The following ENTREP2 variants were observed in gnomAD, a reference collection of about 807,000 sequenced individuals.
The protein encoded by ENTREP2 is endosomal transmembrane epsin interactor 2.
chr15:29,357,320 G>C, the ENTREP2 span, among the ~76,000 whole-genome samples: 1 of 152,056 alleles, frequency 6.6e-6, no homozygotes, highest in Non-Finnish European at 1.5e-5. Context: ...TGCACAGAAA[G>C]TATCCCCAGT....
chr15:29,597,039 T>C, the ENTREP2 span, among the ~76,000 whole-genome samples: 1 of 151,360 alleles, frequency 6.6e-6, no homozygotes, highest in Non-Finnish European at 1.5e-5. Context: ...AAATCCCCCA[T>C]AGGGTTTTGC....
chr15:29,162,125 T>C, the ENTREP2 span, among the ~76,000 whole-genome samples: 1 of 152,014 alleles, frequency 6.6e-6, no homozygotes, highest in African/African-American at 2.4e-5. Flanking sequence ...TCGAGCGAAA[T>C]ACAGAAGTAG....
chr15:29,443,972 T>C, the ENTREP2 span, among the ~76,000 whole-genome samples: 7 of 151,936 alleles, frequency 4.6e-5, no homozygotes, highest in South Asian at 2.1e-4. Flanking sequence ...GGCGTGATGG[T>C]GGGCGCCTGT....
the ENTREP2 span, chr15:29,268,801 G>A: frequency 6.2e-7 from 1 of 1,606,102 alleles, no homozygotes; most frequent in Non-Finnish European, 8.5e-7. Context: ...TCAAGAGGAT[G>A]GAGCTGGGCC....
the ENTREP2 span, among the ~76,000 whole-genome samples, chr15:29,359,028 A>G: frequency 6.6e-6 from 1 of 152,212 alleles, no homozygotes; most frequent in Non-Finnish European, 1.5e-5. Context: ...TAAAACACTA[A>G]ATTGAGACAA....
chr15:29,584,669 G>C, the ENTREP2 span, among the ~76,000 whole-genome samples: 1 of 152,112 alleles, frequency 6.6e-6, no homozygotes, highest in African/African-American at 2.4e-5. Context: ...TTTGGGGTGG[G>C]GGAAATGGGG....
the ENTREP2 span, among the ~76,000 whole-genome samples, chr15:29,138,513 T>A: frequency 6.6e-6 from 1 of 151,588 alleles, no homozygotes; most frequent in East Asian, 1.9e-4. Context: ...AGAGGAAGGG[T>A]GAGTGCGTGT....
At chr15:29,200,507 G>A in the ENTREP2 span, among the ~76,000 whole-genome samples, 3 of 151,370 alleles carry the variant, frequency 2.0e-5, no homozygotes, top group Non-Finnish European at 2.9e-5. Context: ...GACTGTCATT[G>A]TCTCCAAAAA....
At chr15:29,225,684 C>A in the ENTREP2 span, among the ~76,000 whole-genome samples, 1 of 152,200 alleles carries the variant, frequency 6.6e-6, no homozygotes, top group Non-Finnish European at 1.5e-5. Flanking sequence ...CACGGTCGAG[C>A]ATGCGGTGAG....
chr15:29,674,714 G>A, the ENTREP2 span, among the ~76,000 whole-genome samples: 8,478 of 150,330 alleles, frequency 0.056, 273 homozygotes, highest in Middle Eastern at 0.16. Context: ...CGGGGGGGCG[G>A]AGGGAAGGAG....
At chr15:29,181,320 A>G in the ENTREP2 span, among the ~76,000 whole-genome samples, 1 of 152,176 alleles carries the variant, frequency 6.6e-6, no homozygotes, top group Non-Finnish European at 1.5e-5. Flanking sequence ...ACTTTTACCA[A>G]ACATTCAATT....
At chr15:29,462,688 C>T in the ENTREP2 span, among the ~76,000 whole-genome samples, 39 of 152,218 alleles carry the variant, frequency 2.6e-4, no homozygotes, top group African/African-American at 8.9e-4. Context: ...GTGTACTCTG[C>T]AAGTTCTGAG....
chr15:29,657,906 AAAGG>A, the ENTREP2 span, among the ~76,000 whole-genome samples: 5 of 152,208 alleles, frequency 3.3e-5, no homozygotes, highest in Admixed American at 6.5e-5. Flanking sequence ...CAGCAGTAAA[AAAGG>A]AATGAACTAC....
the ENTREP2 span, among the ~76,000 whole-genome samples, chr15:29,468,423 G>A: frequency 0.02 from 3,112 of 152,000 alleles, 99 homozygotes; most frequent in African/African-American, 0.069. Context: ...CCAGCCTGGC[G>A]AACATAGTGA....
chr15:29,421,838 A>G, the ENTREP2 span, among the ~76,000 whole-genome samples: 1 of 152,196 alleles, frequency 6.6e-6, no homozygotes, highest in South Asian at 2.1e-4. Context: ...TCTACCCTCA[A>G]AATACCAAAA....
chr15:29,610,659 C>T, the ENTREP2 span: 1 of 150,384 alleles, frequency 6.6e-6, no homozygotes, highest in Non-Finnish European at 1.5e-5. Flanking sequence ...AGAGCTAGCT[C>T]CGCAGCTCAT....
At chr15:29,398,286 T>C in the ENTREP2 span, among the ~76,000 whole-genome samples, 1 of 151,812 alleles carries the variant, frequency 6.6e-6, no homozygotes, top group Non-Finnish European at 1.5e-5. Context: ...GCAGTACATT[T>C]AAAAGAATGA....
At chr15:29,403,727 C>G in the ENTREP2 span, among the ~76,000 whole-genome samples, 1 of 152,194 alleles carries the variant, frequency 6.6e-6, no homozygotes, top group Non-Finnish European at 1.5e-5. Flanking sequence ...TGGTTTTTCC[C>G]AGGACCAACC....
the ENTREP2 span, among the ~76,000 whole-genome samples, chr15:29,350,833 C>T: frequency 6.6e-6 from 1 of 152,148 alleles, no homozygotes. Flanking sequence ...ATGCCAGCTA[C>T]TTGGGAGGCT....
Sources: allele counts gnomAD v4.1 joint callset (sites outside exome capture counted in the v4.1 genomes callset), GRCh38; gene constraint gnomAD v4.1.1; transcripts MANE v1.5; gene names NCBI Gene and HGNC (gene_info 2026-07-23, HGNC 2026-07-21).